ARHGEF3: variants seen among roughly 807,000 people sequenced by gnomAD.
The protein encoded by ARHGEF3 is 59.8 kDA protein.
Under a neutral mutation model 63.2 loss-of-function variants are expected in ARHGEF3, and 28 were observed. That is an observed-to-expected ratio of 0.44 (90% CI 0.33 to 0.61). ARHGEF3 has a LOEUF of 0.61. ARHGEF3 is among the 20% of genes least tolerant of loss of function. The pLI is 0.03. For missense variants in ARHGEF3, 533 were observed against 659.3 expected (o/e 0.81, Z 2.10); for synonymous variants, 266 against 254.2 (o/e 1.05, Z -0.44).
intron 2 of ARHGEF3, among the ~76,000 whole-genome samples, chr3:56,979,717 CCAA>C (rs1701254317): frequency 6.6e-6 from 1 of 152,214 alleles, no homozygotes; most frequent in Non-Finnish European, 1.5e-5. Context: ...AATCAGCCAG[CCAA>C]CGAGGATGTG....
intron 1 of ARHGEF3, among the ~76,000 whole-genome samples, chr3:56,780,182 A>G (rs1048629861): frequency 6.6e-6 from 1 of 152,248 alleles, no homozygotes; most frequent in Non-Finnish European, 1.5e-5. Flanking sequence ...CGATGAGCAC[A>G]TAGCACAGTA....
intron 1 of ARHGEF3, among the ~76,000 whole-genome samples, chr3:57,070,208 G>A (rs549228428): frequency 6.6e-6 from 1 of 152,272 alleles, no homozygotes; most frequent in South Asian, 2.1e-4. Flanking sequence ...GAAGCAAGGG[G>A]TTATGGGAGT....
intron 3 of ARHGEF3, among the ~76,000 whole-genome samples, chr3:56,950,041 T>C (rs1198055769): frequency 2.0e-5 from 3 of 152,108 alleles, no homozygotes; most frequent in Non-Finnish European, 4.4e-5. Context: ...AACGATTTCC[T>C]ATTTAATAAA....
chr3:56,828,069 A>C (rs2038798130), intron 4 of ARHGEF3, among the ~76,000 whole-genome samples: 1 of 152,124 alleles, frequency 6.6e-6, no homozygotes, highest in Non-Finnish European at 1.5e-5. Flanking sequence ...TATAACAGTA[A>C]GATTTTTCAT....
intron 1 of ARHGEF3, among the ~76,000 whole-genome samples, chr3:56,796,758 G>A (rs1407404610): frequency 6.6e-6 from 1 of 152,100 alleles, no homozygotes; most frequent in African/African-American, 2.4e-5. Context: ...GGGTCAACTG[G>A]GATTTTAGTC....
chr3:56,813,843 TCCCTCCCACACC>T (rs2038163327), intron 4 of ARHGEF3, among the ~76,000 whole-genome samples: 1 of 152,016 alleles, frequency 6.6e-6, no homozygotes, highest in Non-Finnish European at 1.5e-5. Context: ...ATCCTTTTCC[TCCCTCCCACACC>T]CCCACCCCAC....
At chr3:56,904,948 T>C (rs935722701) in intron 3 of ARHGEF3, among the ~76,000 whole-genome samples, 1 of 152,228 alleles carries the variant, frequency 6.6e-6, no homozygotes, top group African/African-American at 2.4e-5. Context: ...TAGTCATGCA[T>C]GTCGAAACTC....
At chr3:56,757,515 TTATC>T (rs1028602519) in intron 2 of ARHGEF3, among the ~76,000 whole-genome samples, 2 of 152,154 alleles carry the variant, frequency 1.3e-5, no homozygotes, top group Non-Finnish European at 2.9e-5. Context: ...GGATGGAATA[TTATC>T]TAGACAATTC....
At chr3:56,958,360 G>A (rs1467843908) in intron 3 of ARHGEF3, among the ~76,000 whole-genome samples, 2 of 142,162 alleles carry the variant, frequency 1.4e-5, no homozygotes, top group African/African-American at 2.6e-5. Context: ...ACAGAGTCTC[G>A]TTCTGTTGCA....
intron 3 of ARHGEF3, among the ~76,000 whole-genome samples, chr3:56,886,078 TAC>T (rs373017861): frequency 1.3e-5 from 2 of 152,224 alleles, no homozygotes; most frequent in African/African-American, 4.8e-5. Flanking sequence ...ACAAAGTAAT[TAC>T]AGATTGTGAT....
chr3:56,996,418 C>T (rs1220818793), intron 2 of ARHGEF3, among the ~76,000 whole-genome samples: 1 of 152,188 alleles, frequency 6.6e-6, no homozygotes, highest in Non-Finnish European at 1.5e-5. Flanking sequence ...GGGTTGAAAC[C>T]TAATCCCCCA....
intron 6 of ARHGEF3, among the ~76,000 whole-genome samples, chr3:56,749,246 G>A (rs1175167134): frequency 1.3e-5 from 2 of 152,128 alleles, no homozygotes; most frequent in Non-Finnish European, 2.9e-5. Context: ...ATAGCAATGG[G>A]CCAGCATGGT....
intron 2 of ARHGEF3, among the ~76,000 whole-genome samples, chr3:57,016,624 C>T (rs773027613): frequency 4.6e-5 from 7 of 152,102 alleles, no homozygotes; most frequent in Non-Finnish European, 7.4e-5. Flanking sequence ...TTAAAGACTT[C>T]TCGAATGTGT....
At chr3:57,059,004 AG>A (rs1335471751) in intron 1 of ARHGEF3, among the ~76,000 whole-genome samples, 4 of 80,874 alleles carry the variant, frequency 4.9e-5, no homozygotes, top group Admixed American at 1.8e-4. Flanking sequence ...GGGTGGGGGG[AG>A]GGGGGAGGGA....
intron 2 of ARHGEF3, among the ~76,000 whole-genome samples, chr3:57,008,384 A>G (rs1354940701): frequency 6.6e-6 from 1 of 152,084 alleles, no homozygotes; most frequent in African/African-American, 2.4e-5. Flanking sequence ...AACTCCACGT[A>G]ACAGCCCGCT....
rs531875247 is a variant in ARHGEF3, at chr3:57,025,015, G to A, written c.62+10073C>T. On this transcript the variant is annotated intron_variant, in intron 2 of 12. Coordinates refer to the ARHGEF3 transcript ENST00000338458. The stretch of plus-strand genomic sequence containing the variant: ...GGACTCCACCCTTGAGGCTTCACTT[G>A]AAGTTCATGGAACTGGAGGACCAAG... 5.3e-4 allele frequency among the ~76,000 whole-genome samples: 80 copies of A among 152,286 alleles called. No homozygotes were observed. In the South Asian group the frequency reaches 0.016, roughly 31 times the overall value.
At chr3:56,801,594 G>C in intron 1 of ARHGEF3, 109 bp downstream of exon 1, 1 of 1,374,088 alleles carries the variant, frequency 7.3e-7, no homozygotes, top group Non-Finnish European at 9.8e-7. Context: ...CGGAGAGTGA[G>C]AGATGGAAAC....
chr3:56,754,885 T>C (rs1310965234), intron 3 of ARHGEF3, 96 bp downstream of exon 3: 9 of 1,498,528 alleles, frequency 6.0e-6, no homozygotes, highest in South Asian at 5.9e-5. Flanking sequence ...CAATGAAGAA[T>C]TGATTTGGAG....
rs561592291 is a variant in ARHGEF3 at position 56,892,780 on chromosome 3, G to A, written c.130-10426C>T. ...TTTCGTTCACTTGGCTCGTGTTCCCGCTTTCTCCTACCTAGAAATGCTCCT... is the reference window on the plus strand; with the variant it reads ...TTTCGTTCACTTGGCTCGTGTTCCCACTTTCTCCTACCTAGAAATGCTCCT... On this transcript the variant is annotated intron_variant, in intron 3 of 12. Coordinates refer to the ARHGEF3 transcript ENST00000338458. 2.6e-5 allele frequency among the ~76,000 whole-genome samples: 4 copies of A among 152,238 alleles called. No individual in the cohort carries two copies. In the East Asian group the frequency reaches 5.8e-4, roughly 22 times the overall value.
Sources: gnomAD v4.1 joint callset for allele counts (sites outside exome capture counted in the v4.1 genomes callset) on GRCh38, gnomAD v4.1.1 for gene constraint, MANE v1.5 for transcripts, NCBI Gene and HGNC (gene_info 2026-07-23, HGNC 2026-07-21) for gene names.